CCDC60: variants seen among roughly 807,000 people sequenced by gnomAD.
CCDC60 encodes coiled-coil domain-containing protein 60.
In CCDC60, 54 loss-of-function variants were observed where a neutral mutation model predicts 63.5. The observed-to-expected ratio is 0.85, with a 90% CI of 0.68 to 1.07. The LOEUF (loss-of-function observed/expected upper bound fraction) is 1.07. CCDC60 is among the 50% of genes least tolerant of loss of function. The pLI is 0.00. For missense variants in CCDC60, 651 were observed against 684.3 expected (o/e 0.95, Z 0.54); for synonymous variants, 206 against 238.8 (o/e 0.86, Z 1.27).
rs548320486 is a variant in CCDC60 at position 119,505,250 on chromosome 12, T to C, written c.830T>C (p.Ile277Thr). Residue 277 changes from isoleucine to threonine, a missense_variant, in exon 7 of 14, where the codon ATT (isoleucine) becomes ACT (threonine). Physicochemically the swap from Ile to Thr is moderately conservative, Grantham distance 89. Transcript: ENST00000327554. ...VNTQVTSSKD[I>T]EDNESSSTKP... ...ACCCAGGTGACCAGCAGCAAGGACA[T>C]TGAGGACAATGAGTCATCTTCAACC... 4.8e-5 allele frequency: 77 copies of C among 1,613,312 alleles called. 3 individuals carry two copies. In the South Asian group the frequency reaches 7.4e-4, roughly 15 times the overall value.
At chr12:119,350,402 G>C (rs1955644615) in intron 1 of CCDC60, among the ~76,000 whole-genome samples, 1 of 151,798 alleles carries the variant, frequency 6.6e-6, no homozygotes, top group African/African-American at 2.4e-5. Context: ...GTTTCACCAT[G>C]CTGTATTTTT....
At position 119,456,033 on chromosome 12, in the gene CCDC60, A is replaced by AAG. The variant is rs1566019476; in HGVS notation, c.171-15959_171-15958dup. On this transcript the variant is annotated intron_variant, in intron 2 of 13. Coordinates refer to ENST00000327554, the MANE Select transcript of CCDC60 (RefSeq NM_178499.5). This position sits in a 1 kb window ranked among gnomAD's most constrained non-coding sequence, Gnocchi z 4.6. ...AAAGAAAGAAAGAAAGAAAGAAAGA[A>AAG]AGAAAGAAAGAAAGAAAGAAAGAAA... Among the ~76,000 whole-genome samples the AAG allele has an allele frequency of 4.9e-5, 7 of 142,926 alleles. No individual in the cohort carries two copies. In the East Asian group the frequency reaches 1.3e-3, roughly 26 times the overall value. The allele number at this position is 142,926 out of a possible 152,430, so 93.8% of individuals were successfully genotyped here.
intron 2 of CCDC60, among the ~76,000 whole-genome samples, chr12:119,454,635 T>C (rs1019128823): frequency 2.6e-5 from 4 of 152,186 alleles, no homozygotes; most frequent in African/African-American, 9.7e-5. Context: ...CCAAGGACAA[T>C]AGCATTTTAA....
Position 119,335,213 on chromosome 12 carries a change from T to TC in CCDC60, c.42dup (p.Asn15GlnfsTer82). 6.2e-7 allele frequency: 1 copy of TC among 1,606,388 alleles called. No individual in the cohort carries two copies. Among genetic ancestry groups the TC allele is most frequent in the Non-Finnish European group, 8.5e-7 (1 of 1,176,894 alleles). On this transcript the variant is annotated frameshift_variant, in exon 1 of 14. Coordinates refer to ENST00000327554, the MANE Select transcript of CCDC60 (RefSeq NM_178499.5). LOFTEE classifies it high-confidence loss of function. ...TCCAGCCACCAAGAAGCTTCAGAGT[T>TC]CCCCCAACTCGGGGGCTGTCCGGCC...
intron 1 of CCDC60, among the ~76,000 whole-genome samples, chr12:119,393,524 C>A (rs181778496): frequency 3.3e-5 from 5 of 152,344 alleles, no homozygotes; most frequent in Admixed American, 6.5e-5. Flanking sequence ...GAGATTTGTA[C>A]CTGCATTAAA....
rs1955456590 is a variant in CCDC60 at position 119,335,100 on chromosome 12, C to T, written c.-77C>T. On this transcript the variant is annotated 5_prime_UTR_variant, in exon 1 of 14. Transcript: ENST00000327554. The stretch of plus-strand genomic sequence containing the variant: ...GAGAAGTTGCCGAAACTTCTCATAC[C>T]AGTAACTACTGAAGTAGAAGATTCT... 8.5e-7 allele frequency: 1 copy of T among 1,173,396 alleles called. No individual in the cohort carries two copies. Among genetic ancestry groups the T allele is most frequent in the East Asian group, 2.5e-5 (1 of 40,396 alleles). The allele number at this position is 1,173,396 out of a possible 1,614,324, so 72.7% of individuals were successfully genotyped here.
chr12:119,364,204 T>A (rs1032699641), intron 1 of CCDC60, among the ~76,000 whole-genome samples: 1 of 152,156 alleles, frequency 6.6e-6, no homozygotes, highest in African/African-American at 2.4e-5. Context: ...ACTCATTTAT[T>A]TTTAATCAAC....
rs1312644395 is a variant in CCDC60, at chr12:119,360,335, G to C, written c.90+25069G>C. The stretch of plus-strand genomic sequence containing the variant: ...TCCCGGACTGGGCGGCTGGCCAGGC[G>C]GGGGGCTGACGCCCCCACCTCCCTC... On this transcript the variant is annotated intron_variant, in intron 1 of 13. Coordinates refer to ENST00000327554, the MANE Select transcript of CCDC60 (RefSeq NM_178499.5). 4.0e-5 allele frequency among the ~76,000 whole-genome samples: 4 copies of C among 101,136 alleles called. No homozygotes were observed. In the East Asian group the frequency reaches 4.2e-3, roughly 105 times the overall value. The allele number at this position is 101,136 out of a possible 152,430, so 66.3% of individuals were successfully genotyped here. A position where few individuals can be genotyped will look rare whatever the true frequency, so the allele number is the denominator to read the frequency against.
chr12:119,465,946 C>T (rs182151283), intron 2 of CCDC60, among the ~76,000 whole-genome samples: 1 of 152,294 alleles, frequency 6.6e-6, no homozygotes, highest in African/African-American at 2.4e-5. Flanking sequence ...GCAAAGCCAA[C>T]ATTTTGGTAG....
intron 1 of CCDC60, among the ~76,000 whole-genome samples, chr12:119,419,205 C>T (rs1390066413): frequency 6.6e-6 from 1 of 152,234 alleles, no homozygotes; most frequent in East Asian, 1.9e-4. Context: ...TGGGCTTACC[C>T]GCAATGAGCA....
rs558675895 is a variant in CCDC60 at position 119,480,929 on chromosome 12, CCAT to C, written c.449+1737_449+1739del. On this transcript the variant is annotated intron_variant, in intron 4 of 13. Coordinates refer to ENST00000327554, the MANE Select transcript of CCDC60 (RefSeq NM_178499.5). ...ATCCTCACCATCACCATCATCATCA[CCAT>C]CATCATCACCACCATCATCACCATC... 9.4e-4 allele frequency among the ~76,000 whole-genome samples: 140 copies of C among 148,378 alleles called. 1 individual carries two copies. Among genetic ancestry groups the C allele is most frequent in the African/African-American group, 2.9e-3 (118 of 40,018 alleles).
At chr12:119,463,714 T>G (rs921509261) in intron 2 of CCDC60, among the ~76,000 whole-genome samples, 2 of 152,216 alleles carry the variant, frequency 1.3e-5, no homozygotes, top group South Asian at 4.1e-4. Context: ...AAGTGTACAC[T>G]GGAAACACTT....
chr12:119,484,722 A>T (rs1024847299), intron 4 of CCDC60, among the ~76,000 whole-genome samples: 7 of 151,636 alleles, frequency 4.6e-5, no homozygotes, highest in African/African-American at 1.5e-4. Context: ...CAAAAAAAAT[A>T]AAAAAAAAGA....
At chr12:119,515,710 C>T (rs1952336067) in intron 7 of CCDC60, among the ~76,000 whole-genome samples, 1 of 152,130 alleles carries the variant, frequency 6.6e-6, no homozygotes, top group Admixed American at 6.6e-5. Context: ...AGAGAGCAGT[C>T]GCCTATCTAA....
chr12:119,368,947 C>T (rs1955870666), intron 1 of CCDC60, among the ~76,000 whole-genome samples: 1 of 152,088 alleles, frequency 6.6e-6, no homozygotes, highest in Non-Finnish European at 1.5e-5. Flanking sequence ...TCTGAACTAA[C>T]GTCTAGAGAG....
At position 119,530,891 on chromosome 12, in the gene CCDC60, C is replaced by T. The variant is rs766116584; in HGVS notation, c.1379C>T (p.Ser460Phe). The change falls in exon 13 of 14, where the codon TCC (serine) becomes TTC (phenylalanine). Residue 460 changes from serine (S) to phenylalanine (F), a missense_variant. By Grantham distance (155) the Ser-to-Phe change is radical. Coordinates refer to ENST00000327554, the MANE Select transcript of CCDC60 (RefSeq NM_178499.5). The part of the protein sequence containing the change: ...IADHWYFDLL[S>F]KLPEDLKNFR... ...AATTGAAGGTACTTTGATCTGTTGTCCAAACTGCCAGAGGATCTAAAGAAC... is the reference window on the plus strand; with the variant it reads ...AATTGAAGGTACTTTGATCTGTTGTTCAAACTGCCAGAGGATCTAAAGAAC... The T allele has an allele frequency of 6.2e-6, 10 of 1,613,646 alleles. No individual in the cohort carries two copies. In the East Asian group the frequency reaches 6.7e-5, roughly 11 times the overall value.
At chr12:119,500,909 A>G (rs1471408059) in intron 6 of CCDC60, among the ~76,000 whole-genome samples, 4 of 152,198 alleles carry the variant, frequency 2.6e-5, no homozygotes, top group African/African-American at 9.6e-5. Flanking sequence ...ATTTTCTACA[A>G]ACTAGAAGGT....
chr12:119,374,441 G>A (rs1029151637), intron 1 of CCDC60, among the ~76,000 whole-genome samples: 1 of 152,132 alleles, frequency 6.6e-6, no homozygotes, highest in African/African-American at 2.4e-5. Context: ...GCTAGGAAAG[G>A]AAACCTTATA....
chr12:119,361,204 G>GGAGAGA, intron 1 of CCDC60, among the ~76,000 whole-genome samples: 1 of 150,796 alleles, frequency 6.6e-6, no homozygotes. Context: ...GAGACGAGAG[G>GGAGAGA]GAGAGGGAGA....
Sources: allele counts gnomAD v4.1 joint callset (sites outside exome capture counted in the v4.1 genomes callset), GRCh38; gene constraint gnomAD v4.1.1; non-coding constraint Gnocchi (gnomAD v3.1); transcripts MANE v1.5; gene names NCBI Gene and HGNC (gene_info 2026-07-23, HGNC 2026-07-21).